The following FSTL5 variants were observed in gnomAD, a reference collection of about 807,000 sequenced individuals.
FSTL5 encodes the protein follistatin like 5.
Under a neutral mutation model 89.1 loss-of-function variants are expected in FSTL5, and 62 were observed. That is an observed-to-expected ratio of 0.70 (90% CI 0.57 to 0.86). FSTL5 has a LOEUF of 0.86. Ranked by LOEUF, FSTL5 falls within the 40% of genes least tolerant of loss-of-function variation. FSTL5 has a pLI of 0.00. For missense variants in FSTL5, 1,057 were observed against 1,001.6 expected (o/e 1.06, Z -0.75); for synonymous variants, 383 against 346.2 (o/e 1.11, Z -1.18).
chr4:161,893,389 A>G (rs901325448), intron 4 of FSTL5, among the ~76,000 whole-genome samples: 1 of 152,150 alleles, frequency 6.6e-6, no homozygotes, highest in African/African-American at 2.4e-5. Context: ...TTCAAGTTCT[A>G]TATTCCATTC....
intron 2 of FSTL5, among the ~76,000 whole-genome samples, chr4:162,075,486 T>C (rs1229044350): frequency 6.6e-6 from 1 of 151,818 alleles, no homozygotes. Context: ...TAGAGACAGA[T>C]GCTACATTCC....
intron 2 of FSTL5, among the ~76,000 whole-genome samples, chr4:162,072,073 G>A (rs1013625431): frequency 6.6e-6 from 1 of 151,718 alleles, no homozygotes; most frequent in Non-Finnish European, 1.5e-5. Flanking sequence ...ATCAGTGAAA[G>A]TCTGATGCAA....
intron 15 of FSTL5, among the ~76,000 whole-genome samples, chr4:161,438,661 A>T (rs1229654748): frequency 6.6e-6 from 1 of 152,184 alleles, no homozygotes; most frequent in Non-Finnish European, 1.5e-5. Context: ...ATATAATTGA[A>T]TTGAACTAAA....
chr4:161,837,246 AAAAACAATT>A (rs1428493882), intron 4 of FSTL5, among the ~76,000 whole-genome samples: 1 of 152,168 alleles, frequency 6.6e-6, no homozygotes, highest in Non-Finnish European at 1.5e-5. Flanking sequence ...ATGCTTTCCT[AAAAACAATT>A]AAAGAGAAAG....
At chr4:161,580,840 T>C (rs1418319585) in intron 8 of FSTL5, among the ~76,000 whole-genome samples, 1 of 152,282 alleles carries the variant, frequency 6.6e-6, no homozygotes, top group East Asian at 1.9e-4. Context: ...CTAAACTAAC[T>C]AATAAGTAAA....
At chr4:162,059,522 T>G (rs1738654331) in intron 2 of FSTL5, among the ~76,000 whole-genome samples, 1 of 152,156 alleles carries the variant, frequency 6.6e-6, no homozygotes, top group Non-Finnish European at 1.5e-5. Context: ...TTGTGTTTAT[T>G]TATCAAAACT....
intron 1 of FSTL5, among the ~76,000 whole-genome samples, chr4:162,143,860 G>A (rs72986977): frequency 2.4e-3 from 359 of 151,426 alleles, no homozygotes; most frequent in African/African-American, 7.9e-3. Flanking sequence ...CCTTTGCAGA[G>A]TTTCCAAGCA....
At chr4:161,466,226 A>G (rs1174768689) in intron 13 of FSTL5, among the ~76,000 whole-genome samples, 1 of 152,186 alleles carries the variant, frequency 6.6e-6, no homozygotes, top group Non-Finnish European at 1.5e-5. Flanking sequence ...TTTTGTTGCT[A>G]TCTAAACTCC....
chr4:161,866,507 T>TGTGTGG (rs945178320), intron 4 of FSTL5, among the ~76,000 whole-genome samples: 4 of 146,160 alleles, frequency 2.7e-5, no homozygotes, highest in Admixed American at 6.9e-5. Context: ...TGTGTGTGTG[T>TGTGTGG]GGTTTCAATC....
At chr4:162,109,636 T>A (rs1731359164) in intron 2 of FSTL5, among the ~76,000 whole-genome samples, 1 of 152,076 alleles carries the variant, frequency 6.6e-6, no homozygotes, top group Non-Finnish European at 1.5e-5. Flanking sequence ...CATCCAAACA[T>A]AATTGAAAAT....
At chr4:161,855,307 C>A (rs1298298236) in intron 4 of FSTL5, among the ~76,000 whole-genome samples, 1 of 151,910 alleles carries the variant, frequency 6.6e-6, no homozygotes, top group Non-Finnish European at 1.5e-5. Flanking sequence ...CTCTGTATTC[C>A]CTTGAAATTT....
At position 161,658,271 on chromosome 4, in the gene FSTL5, C is replaced by T. The variant is rs567090246; in HGVS notation, c.728-1777G>A. ...TTGAAGTGAGGAGTTCGAGCCTGGC[C>T]AACATGGTGAAACCCCATCTCTACT... On this transcript the variant is annotated intron_variant, in intron 6 of 15. Transcript: ENST00000306100. Among the ~76,000 whole-genome samples the T allele has an allele frequency of 1.7e-3, 254 of 151,806 alleles. 1 individual carries two copies. The highest frequency in any genetic ancestry group is 5.7e-3 in the African/African-American group (235 of 41,406).
chr4:161,404,769 T>C (rs1171665434), intron 15 of FSTL5, among the ~76,000 whole-genome samples: 1 of 151,450 alleles, frequency 6.6e-6, no homozygotes, highest in Non-Finnish European at 1.5e-5. Flanking sequence ...TTCTAGTGTT[T>C]CTACATTATA....
chr4:161,533,526 G>A (rs1260077344), intron 10 of FSTL5, among the ~76,000 whole-genome samples: 3 of 152,062 alleles, frequency 2.0e-5, no homozygotes, highest in Non-Finnish European at 4.4e-5. Context: ...GAACAAGAAG[G>A]AAAGTGAAAA....
chr4:161,948,778 A>G (rs1419734911), intron 3 of FSTL5, among the ~76,000 whole-genome samples: 1 of 151,874 alleles, frequency 6.6e-6, no homozygotes, highest in Non-Finnish European at 1.5e-5. Context: ...CTGAATTTGT[A>G]TTCATGTATA....
chr4:161,953,883 T>G (rs1295196483), intron 3 of FSTL5, among the ~76,000 whole-genome samples: 1 of 151,630 alleles, frequency 6.6e-6, no homozygotes, highest in African/African-American at 2.4e-5. Context: ...AAAAATGCAT[T>G]TAAATTTGAA....
At chr4:161,980,133 AAAGAG>A (rs953822916) in intron 3 of FSTL5, among the ~76,000 whole-genome samples, 13 of 139,496 alleles carry the variant, frequency 9.3e-5, no homozygotes, top group Admixed American at 4.2e-4. Flanking sequence ...GAAAAGAAAG[AAAGAG>A]AAAAGAAGGA....
At chr4:161,561,678 G>T (rs1732607464) in intron 8 of FSTL5, among the ~76,000 whole-genome samples, 1 of 152,010 alleles carries the variant, frequency 6.6e-6, no homozygotes, top group Non-Finnish European at 1.5e-5. Flanking sequence ...TATACAGTAT[G>T]TTTTCATTAG....
intron 5 of FSTL5, among the ~76,000 whole-genome samples, chr4:161,769,590 T>C (rs975659570): frequency 2.6e-5 from 4 of 151,978 alleles, no homozygotes; most frequent in Non-Finnish European, 5.9e-5. Context: ...AAAAAGCATA[T>C]AATCTTGTCA....
Sources: allele counts gnomAD v4.1 joint callset (sites outside exome capture counted in the v4.1 genomes callset), GRCh38; gene constraint gnomAD v4.1.1; transcripts MANE v1.5; gene names NCBI Gene and HGNC (gene_info 2026-07-23, HGNC 2026-07-21).